The following KCNIP4 variants were observed in gnomAD, a reference collection of about 807,000 sequenced individuals.
The protein encoded by KCNIP4 is potassium voltage-gated channel interacting protein 4.
KCNIP4 carries 12 observed loss-of-function variants against 34.0 expected under a neutral mutation model. That is an observed-to-expected ratio of 0.35 (90% CI 0.23 to 0.57). The LOEUF (loss-of-function observed/expected upper bound fraction) is 0.57, where lower values mean the gene tolerates loss of function less well. Among genes scored for constraint, KCNIP4 ranks in the 20% least tolerant of loss-of-function variants. The pLI is 0.83. For missense variants in KCNIP4, 238 were observed against 311.7 expected (o/e 0.76, Z 1.78); for synonymous variants, 124 against 102.2 (o/e 1.21, Z -1.29).
At chr4:21,470,113 C>G (rs1183900778) in intron 1 of KCNIP4, among the ~76,000 whole-genome samples, 1 of 152,186 alleles carries the variant, frequency 6.6e-6, no homozygotes, top group Non-Finnish European at 1.5e-5. Flanking sequence ...TTCCTGAACT[C>G]ACCCACTTTA....
chr4:20,789,564 TG>T (rs1229735880), intron 3 of KCNIP4, among the ~76,000 whole-genome samples: 1 of 152,102 alleles, frequency 6.6e-6, no homozygotes, highest in Non-Finnish European at 1.5e-5. Flanking sequence ...ATATCTATGC[TG>T]GGCTTGGCCC....
intron 1 of KCNIP4, among the ~76,000 whole-genome samples, chr4:21,594,408 T>C (rs1470029024): frequency 6.6e-6 from 1 of 152,082 alleles, no homozygotes; most frequent in Non-Finnish European, 1.5e-5. Context: ...GCTGGAAAAA[T>C]ACATCTGCTT....
intron 1 of KCNIP4, among the ~76,000 whole-genome samples, chr4:21,597,896 C>A (rs1218832294): frequency 1.3e-5 from 2 of 151,428 alleles, no homozygotes; most frequent in African/African-American, 4.9e-5. Flanking sequence ...CGATTTATAG[C>A]AAAACATATA....
intron 1 of KCNIP4, among the ~76,000 whole-genome samples, chr4:21,212,180 A>C (rs1757264335): frequency 6.6e-6 from 1 of 152,222 alleles, no homozygotes. Context: ...TGAAAAATGC[A>C]GTCTAAAGGC....
At chr4:21,156,085 A>T (rs1753128812) in intron 1 of KCNIP4, among the ~76,000 whole-genome samples, 1 of 152,148 alleles carries the variant, frequency 6.6e-6, no homozygotes, top group South Asian at 2.1e-4. Context: ...TATATTGATT[A>T]AGTAATAATA....
intron 1 of KCNIP4, among the ~76,000 whole-genome samples, chr4:21,159,326 G>A (rs1753404691): frequency 6.6e-6 from 1 of 152,114 alleles, no homozygotes; most frequent in Non-Finnish European, 1.5e-5. Context: ...TTTTAATAAT[G>A]CTATAGGCTA....
chr4:21,250,450 T>C (rs1393443991), intron 1 of KCNIP4, among the ~76,000 whole-genome samples: 1 of 152,096 alleles, frequency 6.6e-6, no homozygotes, highest in Non-Finnish European at 1.5e-5. Flanking sequence ...TGGGAGTCAC[T>C]AAAAAATCCC....
chr4:21,474,469 G>A (rs1459935384), intron 1 of KCNIP4, among the ~76,000 whole-genome samples: 7 of 152,052 alleles, frequency 4.6e-5, no homozygotes, highest in Admixed American at 3.3e-4. Context: ...TTACTTTATC[G>A]GACATTCTTT....
chr4:20,903,121 T>C (rs1472985414), intron 1 of KCNIP4, among the ~76,000 whole-genome samples: 1 of 152,202 alleles, frequency 6.6e-6, no homozygotes, highest in Non-Finnish European at 1.5e-5. Flanking sequence ...ATCATTATTC[T>C]TTATAGAGCT....
intron 1 of KCNIP4, chr4:21,303,950 C>T: frequency 6.3e-7 from 1 of 1,586,862 alleles, no homozygotes; most frequent in Non-Finnish European, 8.6e-7. Context: ...GAGAAGTGCT[C>T]CTCTGCCTGG....
chr4:21,485,231 T>A (rs17465591), intron 1 of KCNIP4, among the ~76,000 whole-genome samples: 19,026 of 152,222 alleles, frequency 0.12, 1,356 homozygotes, highest in South Asian at 0.21. Flanking sequence ...AGTAACAAGT[T>A]ATGTAATTAT....
At chr4:21,772,763 C>T (rs145174347) in intron 1 of KCNIP4, among the ~76,000 whole-genome samples, 34 of 152,084 alleles carry the variant, frequency 2.2e-4, no homozygotes, top group South Asian at 4.2e-4. Context: ...CAGTCAGTGA[C>T]GATACCCCCT....
chr4:21,822,432 T>G (rs1008602629), intron 1 of KCNIP4, among the ~76,000 whole-genome samples: 2 of 152,176 alleles, frequency 1.3e-5, no homozygotes, highest in African/African-American at 4.8e-5. Context: ...CACAGGGTAC[T>G]AATCCAAAAT....
At chr4:21,075,255 A>T (rs1317531653) in intron 1 of KCNIP4, among the ~76,000 whole-genome samples, 15 of 152,086 alleles carry the variant, frequency 9.9e-5, no homozygotes, top group African/African-American at 3.6e-4. Flanking sequence ...GTCTCTCATT[A>T]TTATTGTGTG....
chr4:21,091,035 C>A (rs1366762495), intron 1 of KCNIP4, among the ~76,000 whole-genome samples: 4 of 152,152 alleles, frequency 2.6e-5, no homozygotes, highest in African/African-American at 9.7e-5. Flanking sequence ...TCCTTGGGGG[C>A]TTTTTGTTCA....
At chr4:21,295,119 C>T (rs996039245) in intron 1 of KCNIP4, among the ~76,000 whole-genome samples, 1 of 152,010 alleles carries the variant, frequency 6.6e-6, no homozygotes, top group African/African-American at 2.4e-5. Flanking sequence ...GTTGAAGCAA[C>T]CTGGTAAGAA....
At chr4:21,168,147 A>G (rs1753768833) in intron 1 of KCNIP4, among the ~76,000 whole-genome samples, 1 of 152,218 alleles carries the variant, frequency 6.6e-6, no homozygotes, top group Non-Finnish European at 1.5e-5. Flanking sequence ...ATTTTAGGAA[A>G]GAACAACTGG....
intron 1 of KCNIP4, among the ~76,000 whole-genome samples, chr4:21,666,237 T>G (rs1748948537): frequency 6.6e-6 from 1 of 152,216 alleles, no homozygotes; most frequent in Non-Finnish European, 1.5e-5. Context: ...CTTCTCTGAT[T>G]CAGTGGGACA....
In KCNIP4 at chr4:21,519,504, ATGTG is replaced by A. The variant is rs767351297; in HGVS notation, c.61+429063_61+429066del. ...TATATACACATATGTGTGTATGTGT[ATGTG>A]TATATACACATATGTGTGTATGTGT... On this transcript the variant is annotated intron_variant, in intron 1 of 8. Transcript: ENST00000382152. 4.6e-3 allele frequency among the ~76,000 whole-genome samples: 316 copies of A among 68,598 alleles called. 17 individuals are homozygous for A. The highest frequency in any genetic ancestry group is 0.019 in the Middle Eastern group (3 of 156). 45.0% of individuals were successfully genotyped at this position (68,598 alleles called of 152,430 possible). A position where few individuals can be genotyped will look rare whatever the true frequency, so the allele number is the denominator to read the frequency against.
Sources: gnomAD v4.1 joint callset for allele counts (sites outside exome capture counted in the v4.1 genomes callset) on GRCh38, gnomAD v4.1.1 for gene constraint, MANE v1.5 for transcripts, NCBI Gene and HGNC (gene_info 2026-07-23, HGNC 2026-07-21) for gene names.